S100Z: variants seen among roughly 807,000 people sequenced by gnomAD.
S100Z encodes S100 calcium binding protein Z, also known as protein S100-Z.
Under a neutral mutation model 8.5 loss-of-function variants are expected in S100Z, and 11 were observed. That is an observed-to-expected ratio of 1.30 (90% confidence interval 0.82 to 2.15). S100Z has a LOEUF of 2.15. Ranked by LOEUF, S100Z falls within the 30% of genes most tolerant of loss-of-function variation. The pLI, the probability that S100Z is intolerant of heterozygous loss-of-function variation, is 0.00. For synonymous variants in S100Z, 34 were observed against 43.8 expected, an observed-to-expected ratio of 0.78 and a Z score of 0.89; for missense variants, 126 against 117.9, an observed-to-expected ratio of 1.07 and a Z score of -0.32.
chr5:76,852,155 G>A (rs1322677792), intron 1 of S100Z, among the ~76,000 whole-genome samples: 1 of 152,038 alleles, frequency 6.6e-6, no homozygotes, highest in Non-Finnish European at 1.5e-5. Flanking sequence ...TCTTGGGAGA[G>A]CACGGGCTCT....
intron 4 of S100Z, among the ~76,000 whole-genome samples, chr5:76,908,401 C>A (rs1744532613): frequency 6.6e-6 from 1 of 152,190 alleles, no homozygotes; most frequent in Non-Finnish European, 1.5e-5. Context: ...CTAATGCCTG[C>A]CAGACAAACT....
intron 4 of S100Z, among the ~76,000 whole-genome samples, chr5:76,905,043 T>C (rs375671399): frequency 2.0e-4 from 31 of 152,294 alleles, no homozygotes; most frequent in East Asian, 9.6e-4. Context: ...TTTTGGTTGA[T>C]TGGGGACAGA....
the S100Z span, among the ~76,000 whole-genome samples, chr5:76,929,129 G>A: frequency 6.6e-6 from 1 of 152,166 alleles, no homozygotes; most frequent in African/African-American, 2.4e-5. Flanking sequence ...TGATGGATGT[G>A]GCAGAGAGAA....
At chr5:76,916,989 G>T (rs1261151265) in intron 4 of S100Z, among the ~76,000 whole-genome samples, 1 of 151,956 alleles carries the variant, frequency 6.6e-6, no homozygotes, top group East Asian at 1.9e-4. Flanking sequence ...AGCTGGATAT[G>T]GTGGCAGGTG....
intron 4 of S100Z, among the ~76,000 whole-genome samples, chr5:76,882,241 G>A (rs1421889784): frequency 6.6e-6 from 1 of 152,174 alleles, no homozygotes; most frequent in Admixed American, 6.5e-5. Context: ...AAGTATTAAG[G>A]CAGCGGCAGC....
the S100Z span, among the ~76,000 whole-genome samples, chr5:76,950,287 C>T: frequency 0.046 from 7,064 of 152,180 alleles, 185 homozygotes; most frequent in Middle Eastern, 0.071. Context: ...TTGTGGTCAC[C>T]CTGAAAACAT....
intron 4 of S100Z, among the ~76,000 whole-genome samples, chr5:76,913,834 A>T (rs1361262182): frequency 6.6e-6 from 1 of 152,188 alleles, no homozygotes; most frequent in Non-Finnish European, 1.5e-5. Flanking sequence ...ATAGTACGAG[A>T]TGCTGCCCGG....
In S100Z at chr5:76,884,152, T is replaced by C. The variant is rs185764157; in HGVS notation, c.*2+6318T>C. On this transcript the variant is annotated intron_variant, in intron 4 of 4. Transcript: ENST00000317593. ...GAGATTAAGACGGCCTTCTGGCCCC[T>C]CTGGGTCTAGGGCAGTAAAGTGTCT... 4.8e-3 allele frequency among the ~76,000 whole-genome samples: 735 copies of C among 152,338 alleles called. 2 individuals are homozygous for C. The highest frequency in any genetic ancestry group is 7.9e-3 in the Non-Finnish European group (536 of 68,024).
the S100Z span, among the ~76,000 whole-genome samples, chr5:76,928,251 A>G: frequency 6.6e-6 from 1 of 152,204 alleles, no homozygotes; most frequent in Non-Finnish European, 1.5e-5. Context: ...AGGGCCATCA[A>G]TAATCTCCCC....
At chr5:76,886,525 A>C (rs1183497909) in intron 4 of S100Z, among the ~76,000 whole-genome samples, 1 of 152,134 alleles carries the variant, frequency 6.6e-6, no homozygotes, top group Non-Finnish European at 1.5e-5. Context: ...TCATGGAGTG[A>C]GGGCAAGAAC....
At chr5:76,880,797 T>G (rs1008483818) in intron 4 of S100Z, among the ~76,000 whole-genome samples, 32 of 152,306 alleles carry the variant, frequency 2.1e-4, no homozygotes, top group African/African-American at 6.0e-4. Flanking sequence ...CCAGGCCAGA[T>G]TGATTTAGGT....
downstream of S100Z, among the ~76,000 whole-genome samples, chr5:76,922,519 G>GTTGT (rs70982665): frequency 0.024 from 3,710 of 151,478 alleles, 59 homozygotes; most frequent in East Asian, 0.052. Flanking sequence ...TTTTTTTGTT[G>GTTGT]TTGTTTGTTT....
rs1329151704 is a variant in S100Z, at chr5:76,850,333, GGGGAGA to G, written c.-176+180_-176+185del. 6.6e-4 allele frequency among the ~76,000 whole-genome samples: 81 copies of G among 122,594 alleles called. 1 individual carries two copies. The highest frequency in any genetic ancestry group is 2.5e-3 in the African/African-American group (78 of 30,914). The allele number at this position is 122,594 out of a possible 152,430, so 80.4% of individuals were successfully genotyped here. A position where few individuals can be genotyped will look rare whatever the true frequency, so the allele number is the denominator to read the frequency against. On this transcript the variant is annotated intron_variant, in intron 1 of 4. Transcript: ENST00000317593. ...TGGCCACAAAGGGGTCGGGGGGGTGGGGGAGAGAGAGAGAGAGAGAGAGAGGGAGAG... is the reference window on the plus strand; with the variant it reads ...TGGCCACAAAGGGGTCGGGGGGGTGGGAGAGAGAGAGAGAGAGAGGGAGAG...
chr5:76,922,847 T>C (rs1388530572), downstream of S100Z, among the ~76,000 whole-genome samples: 1 of 152,132 alleles, frequency 6.6e-6, no homozygotes, highest in African/African-American at 2.4e-5. Context: ...AGCAACCATC[T>C]AGCCCCTCTT....
intron 4 of S100Z, among the ~76,000 whole-genome samples, chr5:76,898,779 G>A (rs1744127171): frequency 6.6e-6 from 1 of 151,896 alleles, no homozygotes; most frequent in African/African-American, 2.4e-5. Context: ...ATGTGTCTTT[G>A]GTTTTGGTAT....
intron 4 of S100Z, among the ~76,000 whole-genome samples, chr5:76,885,864 C>T (rs1487263856): frequency 1.4e-5 from 2 of 144,834 alleles, no homozygotes; most frequent in South Asian, 4.5e-4. Context: ...GGTGCTTGTT[C>T]CCCAGAAAAG....
chr5:76,952,844 T>C, the S100Z span: 1 of 433,752 alleles, frequency 2.3e-6, no homozygotes, highest in Non-Finnish European at 4.2e-6. Flanking sequence ...GTGCACTAAG[T>C]TGTAGTGACT....
At chr5:76,903,731 G>GT (rs56785100) in intron 4 of S100Z, among the ~76,000 whole-genome samples, 23,927 of 142,064 alleles carry the variant, frequency 0.17, 5,182 homozygotes, top group African/African-American at 0.5. Context: ...TTTTTTTGTT[G>GT]TTTTTTTTTT....
rs17569067 is a variant in S100Z, at chr5:76,920,539, A to G, written c.*3-178A>G. Among the ~76,000 whole-genome samples the G allele has an allele frequency of 6.0e-3, 907 of 152,348 alleles. 7 individuals are homozygous for G. The highest frequency in any genetic ancestry group is 0.011 in the Non-Finnish European group (715 of 68,028). The stretch of plus-strand genomic sequence containing the variant: ...GCCCACCTTCCACAAGAAGCTGTAC[A>G]TCTGACTGTAATGGAGCGCTCCTCA... On this transcript the variant is annotated intron_variant, in intron 4 of 4. Transcript: ENST00000317593.
Sources: gnomAD v4.1 joint callset for allele counts (sites outside exome capture counted in the v4.1 genomes callset) on GRCh38, gnomAD v4.1.1 for gene constraint, MANE v1.5 for transcripts, NCBI Gene and HGNC (gene_info 2026-07-23, HGNC 2026-07-21) for gene names.